Variants in PTPRN2 observed in about 807,000 individuals in gnomAD.
PTPRN2 encodes the protein protein tyrosine phosphatase receptor type N2.
PTPRN2 carries 74 observed loss-of-function variants against 118.8 expected under a neutral mutation model. The ratio of observed to expected loss-of-function variants is 0.62; its 90% confidence interval spans 0.52 to 0.76. The LOEUF (loss-of-function observed/expected upper bound fraction) is 0.76. PTPRN2 is among the 30% of genes least tolerant of loss of function. PTPRN2 has a pLI of 0.00. For missense variants in PTPRN2, 1,481 were observed against 1,394.4 expected (o/e 1.06, Z -0.99); for synonymous variants, 641 against 608.0 (o/e 1.05, Z -0.80).
chr7:158,141,261 G>A (rs940461805), intron 6 of PTPRN2, among the ~76,000 whole-genome samples: 5 of 152,196 alleles, frequency 3.3e-5, no homozygotes, highest in Non-Finnish European at 4.4e-5. Flanking sequence ...TTTTGTCTGC[G>A]TCAAATGCAT....
At chr7:158,146,854 G>C (rs116404347) in intron 6 of PTPRN2, among the ~76,000 whole-genome samples, 6,813 of 148,636 alleles carry the variant, frequency 0.046, 792 homozygotes, top group African/African-American at 0.16. Context: ...CTTGACCAAT[G>C]GATAGAACAA....
intron 9 of PTPRN2, among the ~76,000 whole-genome samples, chr7:158,126,027 C>T (rs886714820): frequency 1.2e-4 from 18 of 150,862 alleles, no homozygotes; most frequent in African/African-American, 3.4e-4. Flanking sequence ...GAGCGGGCGG[C>T]GGAACTTCCT....
chr7:158,209,508 A>G (rs1331793662), intron 3 of PTPRN2, among the ~76,000 whole-genome samples: 1 of 152,250 alleles, frequency 6.6e-6, no homozygotes, highest in Non-Finnish European at 1.5e-5. Flanking sequence ...ACAATTGTAA[A>G]TATATATGTA....
At chr7:157,980,993 G>C (rs931137141) in intron 11 of PTPRN2, among the ~76,000 whole-genome samples, 4 of 152,000 alleles carry the variant, frequency 2.6e-5, no homozygotes, top group East Asian at 1.9e-4. Context: ...GGACAGGTGG[G>C]GGGTAAGTAG....
chr7:157,763,676 G>A lies in PTPRN2; in HGVS notation c.1789-80739C>T, dbSNP rs760767053. On this transcript the variant is annotated intron_variant, in intron 12 of 22. Transcript: ENST00000389418. This position sits in a 1 kb window ranked among gnomAD's most constrained non-coding sequence, Gnocchi z 4.9. Reference sequence around the variant, plus strand: ...TCACTGCTTGGTTTCCTCTTCATTCGGAATTAATTCCTCCCTTGGATGCTG... The same window carrying A: ...TCACTGCTTGGTTTCCTCTTCATTCAGAATTAATTCCTCCCTTGGATGCTG... Among the ~76,000 whole-genome samples, 9 of 152,042 alleles carry A rather than the reference G, an allele frequency of 5.9e-5. No individual in the cohort carries two copies. Among genetic ancestry groups the A allele is most frequent in the East Asian group, 1.9e-4 (1 of 5,134 alleles).
Position 157,676,090 on chromosome 7 carries a change from C to G in PTPRN2, c.2001+6635G>C, listed in dbSNP as rs552677351. 1.3e-5 allele frequency among the ~76,000 whole-genome samples: 2 copies of G among 152,074 alleles called. No individual in the cohort carries two copies. Among genetic ancestry groups the G allele is most frequent in the African/African-American group, 4.8e-5 (2 of 41,386 alleles). ...CAGACTGCAGGGTTTGTCCTTGTCACGAACTCAAAGAGCTGACCTCTCTGG... is the reference window on the plus strand; with the variant it reads ...CAGACTGCAGGGTTTGTCCTTGTCAGGAACTCAAAGAGCTGACCTCTCTGG... On this transcript the variant is annotated intron_variant, in intron 13 of 22. Coordinates refer to ENST00000389418, the MANE Select transcript of PTPRN2 (RefSeq NM_002847.5). The surrounding 1 kb of genome is among the most constrained non-coding windows in gnomAD (Gnocchi z 5.6).
At chr7:158,357,974 C>T (rs1178251474) in intron 2 of PTPRN2, among the ~76,000 whole-genome samples, 2 of 152,240 alleles carry the variant, frequency 1.3e-5, no homozygotes, top group East Asian at 3.8e-4. Context: ...CTTGTGTGTG[C>T]ATGTCTCTGT....
intron 3 of PTPRN2, among the ~76,000 whole-genome samples, chr7:158,253,443 C>T (rs1158241518): frequency 6.6e-6 from 1 of 152,234 alleles, no homozygotes; most frequent in Non-Finnish European, 1.5e-5. Context: ...CTCAACAGAA[C>T]CTTCCGTTTC....
At chr7:158,523,454 GTCTGCCCTGGAGTGGAGTCC>G (rs1563392507) in intron 1 of PTPRN2, among the ~76,000 whole-genome samples, 39 of 142,604 alleles carry the variant, frequency 2.7e-4, no homozygotes, top group Middle Eastern at 3.8e-3. Context: ...GAGCGGAGTC[GTCTGCCCTGGAGTGGAGTCC>G]TCTGCCCTGG....
chr7:158,457,186 G>A (rs542851049), intron 2 of PTPRN2, among the ~76,000 whole-genome samples: 1 of 152,162 alleles, frequency 6.6e-6, no homozygotes, highest in Non-Finnish European at 1.5e-5. Flanking sequence ...AAGAATCCAG[G>A]CTGAGTCTTC....
At chr7:158,150,407 C>A (rs531456866) in intron 6 of PTPRN2, among the ~76,000 whole-genome samples, 4 of 152,306 alleles carry the variant, frequency 2.6e-5, no homozygotes, top group Non-Finnish European at 2.9e-5. Flanking sequence ...GAGATGTCCA[C>A]CCTCAGCAGC....
intron 11 of PTPRN2, among the ~76,000 whole-genome samples, chr7:157,917,049 G>A (rs1798441158): frequency 6.8e-6 from 1 of 146,076 alleles, no homozygotes; most frequent in Non-Finnish European, 1.5e-5. Context: ...CCCAGCTGAA[G>A]GTCCCCACCA....
rs557125104 is a variant in PTPRN2, at chr7:158,123,800, T to C, written c.1556+9877A>G. ...CGTCACCTTTAAAAAGTGTGCCAAA[T>C]AGGATCGGGAAGTGCCTCCAGCAGG... is the stretch of plus-strand genomic sequence containing the variant. On this transcript the variant is annotated intron_variant, in intron 9 of 22. Transcript: ENST00000389418. Among the ~76,000 whole-genome samples, 255 of 152,252 alleles carry C rather than the reference T, an allele frequency of 1.7e-3. 1 individual carries two copies. Among genetic ancestry groups the C allele is most frequent in the African/African-American group, 5.9e-3 (245 of 41,560 alleles).
At chr7:158,249,194 TCA>T (rs1200136955) in intron 3 of PTPRN2, among the ~76,000 whole-genome samples, 1 of 151,110 alleles carries the variant, frequency 6.6e-6, no homozygotes, top group African/African-American at 2.4e-5. Flanking sequence ...CGAACACACA[TCA>T]CACACATGCA....
chr7:158,014,438 T>A (rs1806289463), intron 11 of PTPRN2, among the ~76,000 whole-genome samples: 1 of 151,526 alleles, frequency 6.6e-6, no homozygotes, highest in South Asian at 2.1e-4. Context: ...CATCTATTCA[T>A]CCATCCCTCC....
chr7:158,419,609 G>A (rs1337432568), intron 2 of PTPRN2, among the ~76,000 whole-genome samples: 2 of 152,012 alleles, frequency 1.3e-5, no homozygotes, highest in African/African-American at 4.8e-5. Flanking sequence ...TCCATGTCAC[G>A]CCAGGAGCCT....
chr7:158,023,815 AGCAGGCACACACAT>A lies in PTPRN2; in HGVS notation c.1723+57469_1723+57482del, dbSNP rs1413353591. Among the ~76,000 whole-genome samples, 53 of 151,566 alleles carry A rather than the reference AGCAGGCACACACAT, an allele frequency of 3.5e-4. No homozygotes were observed. In the East Asian group the frequency reaches 9.5e-3, roughly 27 times the overall value. ...ATGCACATGCATGCAGGCACACACAAGCAGGCACACACATGCAGGCACACACACGTGCAGGCAAA... is the reference window on the plus strand; with the variant it reads ...ATGCACATGCATGCAGGCACACACAAGCAGGCACACACACGTGCAGGCAAA... On this transcript the variant is annotated intron_variant, in intron 11 of 22. Coordinates refer to ENST00000389418, the MANE Select transcript of PTPRN2 (RefSeq NM_002847.5).
intron 11 of PTPRN2, among the ~76,000 whole-genome samples, chr7:158,053,776 A>C (rs879375736): frequency 2.1e-4 from 15 of 70,708 alleles, no homozygotes; most frequent in African/African-American, 7.8e-4. Context: ...AGACCCCAGA[A>C]ATGCAGAGAC....
At chr7:158,352,210 CTGA>C (rs1808034852) in intron 2 of PTPRN2, among the ~76,000 whole-genome samples, 7 of 7,366 alleles carry the variant, frequency 9.5e-4, no homozygotes, top group African/African-American at 1.8e-3. Context: ...TGCTCCCCTC[CTGA>C]CTGCTCCCCT....
Sources: gnomAD v4.1 joint callset for allele counts (sites outside exome capture counted in the v4.1 genomes callset) on GRCh38, gnomAD v4.1.1 for gene constraint, Gnocchi (gnomAD v3.1) non-coding constraint, MANE v1.5 for transcripts, NCBI Gene and HGNC (gene_info 2026-07-23, HGNC 2026-07-21) for gene names.